Variants in YAP1 observed in about 807,000 individuals in gnomAD.
YAP1 encodes the protein Yes1 associated transcriptional regulator.
In YAP1, 5 loss-of-function variants were observed where a neutral mutation model predicts 56.9. The ratio of observed to expected loss-of-function variants is 0.09; its 90% CI spans 0.05 to 0.18. The LOEUF is 0.18. YAP1 is among the 10% of genes least tolerant of loss of function. The probability of loss-of-function intolerance (pLI) is 1.00; values close to 1 mark genes in which losing one functional copy is unlikely to be tolerated. For synonymous variants in YAP1, 265 were observed against 248.1 expected (o/e 1.07, Z -0.64); for missense variants, 539 against 651.8 (o/e 0.83, Z 1.88).
At chr11:102,213,265 A>G (rs1949497204) in intron 6 of YAP1, among the ~76,000 whole-genome samples, 2 of 152,092 alleles carry the variant, frequency 1.3e-5, no homozygotes, top group Non-Finnish European at 2.9e-5. Context: ...CGGGTGGATC[A>G]CCTGAAGTCA....
chr11:102,206,203 G>A, intron 5 of YAP1, 129 bp downstream of exon 5: 12 of 1,137,434 alleles, frequency 1.1e-5, no homozygotes, highest in Non-Finnish European at 1.5e-5. Flanking sequence ...TGACACAGAA[G>A]CATTCTATCC....
intron 4 of YAP1, among the ~76,000 whole-genome samples, chr11:102,205,243 C>T (rs564751599): frequency 1.7e-4 from 26 of 151,976 alleles, no homozygotes; most frequent in African/African-American, 6.3e-4. Flanking sequence ...TACTTGTGGA[C>T]TCAATTTGAT....
intron 4 of YAP1, among the ~76,000 whole-genome samples, chr11:102,187,134 A>G (rs1948010725): frequency 6.6e-6 from 1 of 152,186 alleles, no homozygotes; most frequent in South Asian, 2.1e-4. Context: ...GGAAAAAAGA[A>G]AAAACTGTAT....
intron 2 of YAP1, among the ~76,000 whole-genome samples, chr11:102,134,170 G>T (rs1032260537): frequency 1.3e-5 from 2 of 152,114 alleles, no homozygotes; most frequent in African/African-American, 4.8e-5. Flanking sequence ...TTGCATTATG[G>T]ACGTTTATGT....
At chr11:102,196,030 A>T (rs1044355564) in intron 4 of YAP1, among the ~76,000 whole-genome samples, 1 of 152,148 alleles carries the variant, frequency 6.6e-6, no homozygotes, top group African/African-American at 2.4e-5. Flanking sequence ...GTTTTTTTTG[A>T]AAAGATAACA....
intron 4 of YAP1, among the ~76,000 whole-genome samples, chr11:102,202,804 C>G (rs1464084019): frequency 1.3e-5 from 2 of 152,148 alleles, no homozygotes; most frequent in African/African-American, 4.8e-5. Flanking sequence ...CACATCTGCA[C>G]CACTGATTCA....
At chr11:102,184,205 C>A (rs1013319743) in intron 3 of YAP1, among the ~76,000 whole-genome samples, 1 of 151,980 alleles carries the variant, frequency 6.6e-6, no homozygotes, top group African/African-American at 2.4e-5. Flanking sequence ...TTTTCAGTGC[C>A]TAAAAATTTT....
chr11:102,211,202 G>A (rs928606196), intron 6 of YAP1, among the ~76,000 whole-genome samples: 1 of 151,988 alleles, frequency 6.6e-6, no homozygotes, highest in African/African-American at 2.4e-5. Flanking sequence ...TTTTCCCAAG[G>A]TCTTATACCC....
At chr11:102,182,583 C>G (rs1035034310) in intron 3 of YAP1, among the ~76,000 whole-genome samples, 1 of 152,218 alleles carries the variant, frequency 6.6e-6, no homozygotes, top group African/African-American at 2.4e-5. Context: ...CTAAGGACCA[C>G]TGGACTAAAA....
At chr11:102,124,991 A>C (rs1053345089) in intron 2 of YAP1, among the ~76,000 whole-genome samples, 2 of 150,762 alleles carry the variant, frequency 1.3e-5, no homozygotes, top group Non-Finnish European at 2.9e-5. Flanking sequence ...GCCCGTGTCC[A>C]CCTTCAGAAG....
intron 4 of YAP1, among the ~76,000 whole-genome samples, chr11:102,193,663 T>C (rs1948416383): frequency 6.6e-6 from 1 of 152,176 alleles, no homozygotes; most frequent in Non-Finnish European, 1.5e-5. Flanking sequence ...ATTTTTATCT[T>C]TCTTTACATA....
chr11:102,156,160 A>G (rs1945931645), intron 2 of YAP1, among the ~76,000 whole-genome samples: 3 of 152,220 alleles, frequency 2.0e-5, no homozygotes, highest in Admixed American at 6.5e-5. Context: ...TAGTAGTTCC[A>G]TTTAAAATAG....
chr11:102,117,902 T>TA (rs1456563461), intron 2 of YAP1, among the ~76,000 whole-genome samples: 2 of 152,242 alleles, frequency 1.3e-5, no homozygotes, highest in African/African-American at 4.8e-5. Flanking sequence ...TCAGCTGTCT[T>TA]ACGGTTTTCC....
At chr11:102,134,032 A>G (rs1944527869) in intron 2 of YAP1, among the ~76,000 whole-genome samples, 1 of 152,178 alleles carries the variant, frequency 6.6e-6, no homozygotes, top group African/African-American at 2.4e-5. Flanking sequence ...TCATGACCTG[A>G]TCTAATCGTA....
chr11:102,127,736 C>T (rs1376143857), intron 2 of YAP1, among the ~76,000 whole-genome samples: 5 of 152,168 alleles, frequency 3.3e-5, no homozygotes, highest in Admixed American at 3.3e-4. Flanking sequence ...CACCTTGCAT[C>T]GTGCTCCTGG....
chr11:102,169,501 A>AAG (rs1946785770), intron 3 of YAP1, among the ~76,000 whole-genome samples: 1 of 152,262 alleles, frequency 6.6e-6, no homozygotes, highest in African/African-American at 2.4e-5. Context: ...GGAAAAGACT[A>AAG]TACTAACGGG....
At chr11:102,144,163 A>G (rs1434624969) in intron 2 of YAP1, among the ~76,000 whole-genome samples, 5 of 152,208 alleles carry the variant, frequency 3.3e-5, no homozygotes, top group Non-Finnish European at 7.3e-5. Flanking sequence ...TACCAGAGAA[A>G]CCAATGTTTA....
At chr11:102,147,198 T>G (rs1945373483) in intron 2 of YAP1, among the ~76,000 whole-genome samples, 1 of 152,202 alleles carries the variant, frequency 6.6e-6, no homozygotes, top group Non-Finnish European at 1.5e-5. Flanking sequence ...TAAAATGTAT[T>G]TGAATGTTTA....
At chr11:102,161,724 T>C (rs1481565381) in intron 2 of YAP1, among the ~76,000 whole-genome samples, 2 of 152,242 alleles carry the variant, frequency 1.3e-5, no homozygotes, top group Non-Finnish European at 2.9e-5. Context: ...GAAAACTTAG[T>C]ACTTATTGCA....
Sources: gnomAD v4.1 joint callset for allele counts (sites outside exome capture counted in the v4.1 genomes callset) on GRCh38, gnomAD v4.1.1 for gene constraint, MANE v1.5 for transcripts, NCBI Gene and HGNC (gene_info 2026-07-23, HGNC 2026-07-21) for gene names.